The following DLG2 variants were observed in gnomAD, a reference collection of about 807,000 sequenced individuals.
The protein encoded by DLG2 is disks large homolog 2.
Under a neutral mutation model 132.5 loss-of-function variants are expected in DLG2, and 45 were observed. The observed-to-expected ratio is 0.34, with a 90% CI of 0.27 to 0.44. The LOEUF (loss-of-function observed/expected upper bound fraction) is 0.44, where lower values mean the gene tolerates loss of function less well. Ranked by LOEUF, DLG2 falls within the 20% of genes least tolerant of loss-of-function variation. The pLI, the probability that DLG2 is intolerant of heterozygous loss-of-function variation, is 1.00. For synonymous variants in DLG2, 424 were observed against 419.6 expected (o/e 1.01, Z -0.13); for missense variants, 1,045 against 1,196.9 (o/e 0.87, Z 1.87).
chr11:85,436,612 A>G (rs952395386), intron 3 of DLG2, among the ~76,000 whole-genome samples: 1 of 152,218 alleles, frequency 6.6e-6, no homozygotes, highest in Non-Finnish European at 1.5e-5. Context: ...GTGAGATACT[A>G]TCTCATCCCA....
In DLG2 at chr11:84,626,847, A is replaced by ATATTTTATTTTATTTTATTTTATTT. The variant is rs1555110160; in HGVS notation, c.358-92141_358-92117dup. Among the ~76,000 whole-genome samples, 263 of 144,096 alleles carry ATATTTTATTTTATTTTATTTTATTT rather than the reference A, an allele frequency of 1.8e-3. 3 individuals carry two copies. Among genetic ancestry groups the ATATTTTATTTTATTTTATTTTATTT allele is most frequent in the African/African-American group, 6.4e-3 (247 of 38,538 alleles). 94.5% of individuals were successfully genotyped at this position (144,096 alleles called of 152,430 possible). ...GGAAGCCAAGTGGCTCATCAATTAC[A>ATATTTTATTTTATTTTATTTTATTT]TATTTTATTTTATTTTATTTTATTT... On this transcript the variant is annotated intron_variant, in intron 6 of 27. Transcript: ENST00000376104.
chr11:84,275,341 C>A (rs2097773965), intron 7 of DLG2, among the ~76,000 whole-genome samples: 1 of 137,390 alleles, frequency 7.3e-6, no homozygotes, highest in African/African-American at 2.7e-5. Flanking sequence ...TATCAAGCAT[C>A]TCCCATGTGC....
chr11:85,305,262 G>A (rs1311965761), intron 3 of DLG2, among the ~76,000 whole-genome samples: 1 of 152,168 alleles, frequency 6.6e-6, no homozygotes, highest in Non-Finnish European at 1.5e-5. Context: ...AAACTAAGCT[G>A]CTACTTTCCA....
chr11:84,171,571 G>T (rs1276693525), intron 8 of DLG2, among the ~76,000 whole-genome samples: 1 of 152,142 alleles, frequency 6.6e-6, no homozygotes, highest in Non-Finnish European at 1.5e-5. Context: ...TTTTATGGCT[G>T]AATAGTATTC....
At chr11:84,771,099 T>A (rs1437919298) in intron 6 of DLG2, among the ~76,000 whole-genome samples, 1 of 152,224 alleles carries the variant, frequency 6.6e-6, no homozygotes, top group Non-Finnish European at 1.5e-5. Context: ...TGTGTCTTTA[T>A]AACAGAATAA....
At chr11:84,318,892 T>A (rs953220735) in intron 7 of DLG2, among the ~76,000 whole-genome samples, 1 of 152,138 alleles carries the variant, frequency 6.6e-6, no homozygotes, top group Non-Finnish European at 1.5e-5. Flanking sequence ...GTTTGACGGA[T>A]GAATGGATGG....
At chr11:84,009,949 ACTGT>A (rs1189611756) in intron 11 of DLG2, among the ~76,000 whole-genome samples, 1 of 152,062 alleles carries the variant, frequency 6.6e-6, no homozygotes, top group Non-Finnish European at 1.5e-5. Context: ...CGAATCCAAG[ACTGT>A]CTGGCAGCAA....
At chr11:83,937,006 T>C (rs2081582302) in intron 14 of DLG2, among the ~76,000 whole-genome samples, 1 of 152,224 alleles carries the variant, frequency 6.6e-6, no homozygotes. Flanking sequence ...CAATATGTCC[T>C]ATACTAGTGT....
intron 6 of DLG2, among the ~76,000 whole-genome samples, chr11:85,104,360 A>G (rs619848): frequency 0.53 from 79,685 of 151,718 alleles, 21,540 homozygotes; most frequent in East Asian, 0.66. Flanking sequence ...TACTCATACA[A>G]TGAAATATTA....
At chr11:85,506,439 G>T (rs1598063988) in intron 3 of DLG2, among the ~76,000 whole-genome samples, 1 of 152,286 alleles carries the variant, frequency 6.6e-6, no homozygotes, top group Admixed American at 6.5e-5. Context: ...TGGTTTCAAA[G>T]GACATCTTTA....
chr11:85,460,566 TG>T (rs1197217448), intron 3 of DLG2, among the ~76,000 whole-genome samples: 2 of 152,216 alleles, frequency 1.3e-5, no homozygotes, highest in Admixed American at 6.5e-5. Flanking sequence ...TGAACCCTAA[TG>T]TTTCCATCTA....
intron 7 of DLG2, among the ~76,000 whole-genome samples, chr11:84,420,279 T>C (rs1366133573): frequency 1.3e-5 from 2 of 152,224 alleles, no homozygotes; most frequent in African/African-American, 4.8e-5. Flanking sequence ...AGAGCCGCAC[T>C]TTATGTTAGA....
At chr11:85,427,462 G>A (rs1199853226) in intron 3 of DLG2, among the ~76,000 whole-genome samples, 1 of 152,122 alleles carries the variant, frequency 6.6e-6, no homozygotes, top group Non-Finnish European at 1.5e-5. Context: ...AGAGAGTGGG[G>A]GCCAATATTC....
intron 6 of DLG2, among the ~76,000 whole-genome samples, chr11:84,844,592 TGC>T (rs2081235225): frequency 6.6e-6 from 1 of 152,030 alleles, no homozygotes; most frequent in Non-Finnish European, 1.5e-5. Context: ...TTCTCTTTCT[TGC>T]TCTATTTTTA....
At chr11:84,649,989 A>G (rs2099679603) in intron 6 of DLG2, among the ~76,000 whole-genome samples, 1 of 152,194 alleles carries the variant, frequency 6.6e-6, no homozygotes, top group Non-Finnish European at 1.5e-5. Context: ...CTTTGAGTCC[A>G]TAATATAATC....
intron 19 of DLG2, among the ~76,000 whole-genome samples, chr11:83,612,247 G>A (rs2060222514): frequency 6.6e-6 from 1 of 152,042 alleles, no homozygotes; most frequent in Non-Finnish European, 1.5e-5. Context: ...CTTGACTATT[G>A]GCTTTGCCAC....
intron 6 of DLG2, among the ~76,000 whole-genome samples, chr11:84,750,834 A>C (rs1361210826): frequency 6.6e-6 from 1 of 152,148 alleles, no homozygotes; most frequent in Non-Finnish European, 1.5e-5. Flanking sequence ...CACCTGATTG[A>C]CTGCAAAATT....
At chr11:84,553,691 A>G (rs1481001527) in intron 6 of DLG2, among the ~76,000 whole-genome samples, 3 of 152,230 alleles carry the variant, frequency 2.0e-5, no homozygotes, top group African/African-American at 4.8e-5. Context: ...TAAGATGCTT[A>G]AAGGCAGTTT....
intron 6 of DLG2, among the ~76,000 whole-genome samples, chr11:85,110,553 G>A (rs2072550386): frequency 6.6e-6 from 1 of 151,984 alleles, no homozygotes. Context: ...GCACATCTGG[G>A]CTCCCTCTGC....
Sources: allele counts gnomAD v4.1 joint callset (sites outside exome capture counted in the v4.1 genomes callset), GRCh38; gene constraint gnomAD v4.1.1; transcripts MANE v1.5; gene names NCBI Gene and HGNC (gene_info 2026-07-23, HGNC 2026-07-21).